Variants in TNKS observed in about 807,000 individuals in gnomAD.
The protein encoded by TNKS is poly [ADP-ribose] polymerase tankyrase-1.
In TNKS, 72 loss-of-function variants were observed where a neutral mutation model predicts 135.8. That is an observed-to-expected ratio of 0.53 (90% confidence interval 0.44 to 0.64). The LOEUF is 0.64. TNKS is among the 30% of genes least tolerant of loss of function. The probability of loss-of-function intolerance (pLI) is 0.00; values close to 1 mark genes in which losing one functional copy is unlikely to be tolerated. For missense variants in TNKS, 1,769 were observed against 1,674.0 expected (o/e 1.06, Z -0.99); for synonymous variants, 849 against 649.3 (o/e 1.31, Z -4.68).
intron 1 of TNKS, chr8:9,558,673 G>C (rs1419570878): frequency 6.6e-6 from 1 of 152,070 alleles, no homozygotes; most frequent in Non-Finnish European, 1.5e-5. Flanking sequence ...TTCTGTTTCA[G>C]AGTTTTATGT....
chr8:9,697,597 A>C (rs980276005), intron 5 of TNKS, among the ~76,000 whole-genome samples: 1 of 152,108 alleles, frequency 6.6e-6, no homozygotes, highest in Non-Finnish European at 1.5e-5. Context: ...ATTCAAAGCA[A>C]AAACCAGTCC....
Position 9,781,116 on chromosome 8 carries a change from T to G in TNKS, c.*4380T>G, listed in dbSNP as rs986630766. 6.6e-6 allele frequency: 1 copy of G among 152,252 alleles called. No individual in the cohort carries two copies. The highest frequency in any genetic ancestry group is 2.4e-5 in the African/African-American group (1 of 41,468). 9.4% of individuals were successfully genotyped at this position (152,252 alleles called of 1,614,324 possible). On this transcript the variant is annotated 3_prime_UTR_variant, in exon 27 of 27. Coordinates refer to ENST00000310430, the MANE Select transcript of TNKS (RefSeq NM_003747.3). Reference sequence around the variant, plus strand: ...GTCGTAGTATGACGAGTTTTATACATTGCCAGAGAGTTCTGCCTCCTCTGA... The same window carrying G: ...GTCGTAGTATGACGAGTTTTATACAGTGCCAGAGAGTTCTGCCTCCTCTGA...
At chr8:9,593,189 T>C (rs980284918) in intron 2 of TNKS, among the ~76,000 whole-genome samples, 4 of 152,168 alleles carry the variant, frequency 2.6e-5, no homozygotes, top group African/African-American at 9.7e-5. Flanking sequence ...ATACGTAATA[T>C]TGTAAAGGGT....
intron 3 of TNKS, among the ~76,000 whole-genome samples, chr8:9,617,553 A>C (rs1414460642): frequency 1.3e-5 from 2 of 152,216 alleles, no homozygotes; most frequent in Admixed American, 1.3e-4. Context: ...CATGCTATAT[A>C]ATGCAGTGAA....
At chr8:9,712,965 G>A (rs1486363136) in intron 11 of TNKS, among the ~76,000 whole-genome samples, 3 of 151,918 alleles carry the variant, frequency 2.0e-5, no homozygotes, top group African/African-American at 7.3e-5. Context: ...AATTCTCTTT[G>A]TGTAAGTTTT....
intron 17 of TNKS, chr8:9,743,470 A>C (rs1806076333): frequency 2.0e-5 from 3 of 152,228 alleles, no homozygotes; most frequent in Admixed American, 2.0e-4. Flanking sequence ...TCAGTAGTAA[A>C]AGTTGGATTC....
At chr8:9,666,801 C>G (rs1351387645) in intron 3 of TNKS, among the ~76,000 whole-genome samples, 1 of 151,872 alleles carries the variant, frequency 6.6e-6, no homozygotes, top group Non-Finnish European at 1.5e-5. Context: ...TCTCAGTAGT[C>G]CAGAGAGCAT....
intron 3 of TNKS, among the ~76,000 whole-genome samples, chr8:9,650,787 A>ACTCTGCTG (rs1801120748): frequency 3.3e-5 from 5 of 152,056 alleles, no homozygotes; most frequent in Admixed American, 2.6e-4. Context: ...TCTGCTGATG[A>ACTCTGCTG]TTTCTTTTGC....
intron 3 of TNKS, among the ~76,000 whole-genome samples, chr8:9,623,220 A>C (rs1188838389): frequency 1.3e-5 from 2 of 152,202 alleles, no homozygotes; most frequent in Middle Eastern, 3.2e-3. Context: ...GTTGATGAAC[A>C]TTCATTTGAA....
Position 9,670,316 on chromosome 8 carries a change from C to T in TNKS, c.995-9635C>T, listed in dbSNP as rs904376388. On this transcript the variant is annotated intron_variant, in intron 3 of 26. Transcript: ENST00000310430. The stretch of plus-strand genomic sequence containing the variant: ...TATAAGTCAGGAGAACATTTTTATT[C>T]GAAGTAGCAGGAGAAATGGAAGGTG... The T allele has an allele frequency of 2.6e-5, 4 of 151,976 alleles. No individual in the cohort carries two copies. The South Asian group carries it at 8.3e-4, about 32-fold the overall frequency. The allele number at this position is 151,976 out of a possible 1,614,324, so 9.4% of individuals were successfully genotyped here. A position where few individuals can be genotyped will look rare whatever the true frequency, so the allele number is the denominator to read the frequency against.
rs1805635910 is a variant in TNKS at position 9,735,205 on chromosome 8, A to C, written c.2533+121A>C. 3.5e-6 allele frequency: 4 copies of C among 1,159,380 alleles called. No individual in the cohort carries two copies. The South Asian group carries it at 4.8e-5, about 14-fold the overall frequency. 71.8% of individuals were successfully genotyped at this position (1,159,380 alleles called of 1,614,324 possible). ...CTACTTAGTAAAATGCTCTTGATTG[A>C]CATAGTTTTGTATAATTTCTTATTG... On this transcript the variant is annotated intron_variant, in intron 16 of 26. Coordinates refer to ENST00000310430, the MANE Select transcript of TNKS (RefSeq NM_003747.3).
chr8:9,594,044 G>A (rs548459484), intron 2 of TNKS, among the ~76,000 whole-genome samples: 1 of 151,964 alleles, frequency 6.6e-6, no homozygotes, highest in African/African-American at 2.4e-5. Flanking sequence ...CCGCCACCAC[G>A]CATGGCTATG....
intron 7 of TNKS, 85 bp from the exon 8 acceptor site, chr8:9,706,726 A>G (rs952228590): frequency 6.0e-6 from 8 of 1,327,898 alleles, no homozygotes; most frequent in African/African-American, 1.5e-5. Flanking sequence ...TATAACTGAA[A>G]TTTACAAAGA....
At chr8:9,700,241 C>T (rs944010597) in intron 5 of TNKS, among the ~76,000 whole-genome samples, 2 of 152,120 alleles carry the variant, frequency 1.3e-5, no homozygotes, top group Non-Finnish European at 2.9e-5. Flanking sequence ...ACTTCTGTTT[C>T]CTCATCTTTT....
chr8:9,604,418 A>G (rs1799140772), intron 2 of TNKS, among the ~76,000 whole-genome samples: 1 of 152,120 alleles, frequency 6.6e-6, no homozygotes, highest in Admixed American at 6.5e-5. Flanking sequence ...GCTGCAAAAT[A>G]ATTGCTTTTT....
intron 20 of TNKS, among the ~76,000 whole-genome samples, chr8:9,757,951 T>C (rs1042502005): frequency 2.6e-5 from 4 of 152,188 alleles, no homozygotes; most frequent in Admixed American, 1.3e-4. Context: ...TGTGGACAAA[T>C]TGGACACCAT....
At chr8:9,705,281 G>A (rs1194144886) in intron 6 of TNKS, among the ~76,000 whole-genome samples, 3 of 152,078 alleles carry the variant, frequency 2.0e-5, no homozygotes, top group Non-Finnish European at 2.9e-5. Context: ...GGTCATTTTT[G>A]AAAACTTTGT....
At position 9,748,212 on chromosome 8, in the gene TNKS, A is replaced by C; in HGVS notation, c.2832A>C (p.Thr944=). The part of the protein sequence containing the change: ...QEGQTPLDLA[T]ADDIRALLID... Reference sequence around the variant, plus strand: ...GCCAGACGCCTCTGGATCTGGCAACAGTAAGTCCTCATTTCAGATACTGAT... The same window carrying C: ...GCCAGACGCCTCTGGATCTGGCAACCGTAAGTCCTCATTTCAGATACTGAT... The change falls in exon 18 of 27, where the codon ACA becomes ACC. Residue 944 remains threonine, a splice_region_variant and synonymous_variant. Coordinates refer to ENST00000310430, the MANE Select transcript of TNKS (RefSeq NM_003747.3). 6.5e-7 allele frequency: 1 copy of C among 1,535,508 alleles called. No individual in the cohort carries two copies. Among genetic ancestry groups the C allele is most frequent in the Non-Finnish European group, 8.8e-7 (1 of 1,139,254 alleles).
chr8:9,627,744 A>T (rs1800119458), intron 3 of TNKS, among the ~76,000 whole-genome samples: 1 of 152,214 alleles, frequency 6.6e-6, no homozygotes, highest in Admixed American at 6.5e-5. Flanking sequence ...ATGTAGCCGG[A>T]AAAAAGAAAA....
Sources: gnomAD v4.1 joint callset for allele counts (sites outside exome capture counted in the v4.1 genomes callset) on GRCh38, gnomAD v4.1.1 for gene constraint, MANE v1.5 for transcripts, NCBI Gene and HGNC (gene_info 2026-07-23, HGNC 2026-07-21) for gene names.